Variants in CDH12 observed in about 807,000 individuals in gnomAD.
The protein encoded by CDH12 is cadherin 12.
A neutral mutation model predicts 74.1 loss-of-function variants in CDH12; 41 were observed. The observed-to-expected ratio is 0.55, with a 90% CI of 0.43 to 0.72. The LOEUF (loss-of-function observed/expected upper bound fraction) is 0.72. Ranked by LOEUF, CDH12 falls within the 30% of genes least tolerant of loss-of-function variation. The pLI, the probability that CDH12 is intolerant of heterozygous loss-of-function variation, is 0.00. For synonymous variants in CDH12, 399 were observed against 355.0 expected (o/e 1.12, Z -1.39); for missense variants, 945 against 977.2 (o/e 0.97, Z 0.44).
intron 5 of CDH12, among the ~76,000 whole-genome samples, chr5:22,031,728 A>G (rs1738838480): frequency 6.6e-6 from 1 of 152,200 alleles, no homozygotes; most frequent in African/African-American, 2.4e-5. Context: ...GGAGAGAGAC[A>G]GGGAAATGGC....
chr5:22,521,213 A>T (rs1737042202), intron 1 of CDH12, among the ~76,000 whole-genome samples: 1 of 151,936 alleles, frequency 6.6e-6, no homozygotes, highest in African/African-American at 2.4e-5. Flanking sequence ...GGATGGGGTA[A>T]GCATAATCCT....
At chr5:21,959,725 T>C (rs1300356985) in intron 6 of CDH12, among the ~76,000 whole-genome samples, 28 of 143,688 alleles carry the variant, frequency 1.9e-4, no homozygotes, top group Admixed American at 1.6e-3. Flanking sequence ...CTGGCCAACA[T>C]TGTGAAACCC....
intron 11 of CDH12, among the ~76,000 whole-genome samples, chr5:21,770,194 C>T (rs1745245281): frequency 6.6e-6 from 1 of 152,066 alleles, no homozygotes; most frequent in Non-Finnish European, 1.5e-5. Flanking sequence ...TTTCCAAGAA[C>T]CAAATGAGAA....
At chr5:22,780,214 A>T (rs1324367797) in intron 1 of CDH12, among the ~76,000 whole-genome samples, 1 of 152,092 alleles carries the variant, frequency 6.6e-6, no homozygotes, top group Admixed American at 6.6e-5. Context: ...AACCAGACCC[A>T]GTTGCTACCA....
Position 22,237,543 on chromosome 5 carries a change from T to C in CDH12, c.-332-24900A>G, listed in dbSNP as rs1314301484. 3.3e-5 allele frequency among the ~76,000 whole-genome samples: 5 copies of C among 152,050 alleles called. No individual in the cohort carries two copies. In the South Asian group the frequency reaches 8.3e-4, roughly 25 times the overall value. ...TCCTTGTAAGGACATGGAAAGAGAG[T>C]GCCATCTATGAGAAATGGGCCCTTA... On this transcript the variant is annotated intron_variant, in intron 3 of 14. Transcript: ENST00000382254.
At chr5:22,302,429 C>A (rs1341350525) in intron 3 of CDH12, among the ~76,000 whole-genome samples, 1 of 152,036 alleles carries the variant, frequency 6.6e-6, no homozygotes, top group Non-Finnish European at 1.5e-5. Flanking sequence ...GGAGAGTGTG[C>A]AATTAATGGA....
At chr5:22,485,088 A>G (rs1329664322) in intron 2 of CDH12, among the ~76,000 whole-genome samples, 1 of 152,222 alleles carries the variant, frequency 6.6e-6, no homozygotes, top group Non-Finnish European at 1.5e-5. Flanking sequence ...CAATGAAAAT[A>G]CACCACATGA....
intron 6 of CDH12, among the ~76,000 whole-genome samples, chr5:21,951,305 G>T (rs1755850405): frequency 6.6e-6 from 1 of 152,074 alleles, no homozygotes; most frequent in African/African-American, 2.4e-5. Flanking sequence ...CTGGAGTGCA[G>T]TGGTGCGGTC....
chr5:22,191,554 C>A (rs1580380528), intron 4 of CDH12, among the ~76,000 whole-genome samples: 1 of 55,204 alleles, frequency 1.8e-5, no homozygotes. Flanking sequence ...CACCAATGGT[C>A]TTTTTATTTT....
chr5:21,872,854 A>C (rs902319112), intron 6 of CDH12, among the ~76,000 whole-genome samples: 2 of 136,188 alleles, frequency 1.5e-5, no homozygotes, highest in Non-Finnish European at 3.2e-5. Context: ...CTATCGATCT[A>C]TCATCTATCT....
chr5:22,672,419 T>C (rs1740951625), intron 1 of CDH12, among the ~76,000 whole-genome samples: 1 of 152,002 alleles, frequency 6.6e-6, no homozygotes, highest in Non-Finnish European at 1.5e-5. Flanking sequence ...TAGGCCAGGA[T>C]GACTTTGCTC....
At chr5:22,693,501 AC>A (rs1180463960) in intron 1 of CDH12, among the ~76,000 whole-genome samples, 1 of 152,072 alleles carries the variant, frequency 6.6e-6, no homozygotes, top group Admixed American at 6.6e-5. Flanking sequence ...TAAAGAAATA[AC>A]CCATTTTGTG....
At chr5:21,869,993 T>A (rs537301169) in intron 6 of CDH12, among the ~76,000 whole-genome samples, 1 of 152,284 alleles carries the variant, frequency 6.6e-6, no homozygotes, top group South Asian at 2.1e-4. Flanking sequence ...GGGCAGTTTC[T>A]CCCATAATGT....
At chr5:21,820,386 T>C (rs1175143719) in intron 8 of CDH12, among the ~76,000 whole-genome samples, 1 of 151,974 alleles carries the variant, frequency 6.6e-6, no homozygotes, top group South Asian at 2.1e-4. Flanking sequence ...ATAATAGCAT[T>C]GTCCAATAAT....
chr5:22,228,825 T>G (rs1339551780), intron 3 of CDH12, among the ~76,000 whole-genome samples: 1 of 152,138 alleles, frequency 6.6e-6, no homozygotes, highest in Non-Finnish European at 1.5e-5. Flanking sequence ...TTTCTTCTAA[T>G]TAAAATTATA....
intron 1 of CDH12, among the ~76,000 whole-genome samples, chr5:22,671,539 C>A (rs1449237144): frequency 6.6e-6 from 1 of 151,992 alleles, no homozygotes; most frequent in Non-Finnish European, 1.5e-5. Context: ...TAGTTTACTC[C>A]CCAACATGAA....
At chr5:22,804,856 A>G (rs115235004) in intron 1 of CDH12, among the ~76,000 whole-genome samples, 1 of 152,200 alleles carries the variant, frequency 6.6e-6, no homozygotes, top group Non-Finnish European at 1.5e-5. Flanking sequence ...TTGTACGTAC[A>G]CTACTTTAAG....
At chr5:22,359,445 C>T (rs1452076781) in intron 3 of CDH12, among the ~76,000 whole-genome samples, 6 of 152,144 alleles carry the variant, frequency 3.9e-5, no homozygotes, top group Admixed American at 1.3e-4. Context: ...CCTTAGAGAT[C>T]TACAAAGAGA....
intron 2 of CDH12, among the ~76,000 whole-genome samples, chr5:22,472,321 A>C (rs1434534670): frequency 6.6e-6 from 1 of 152,054 alleles, no homozygotes; most frequent in Non-Finnish European, 1.5e-5. Context: ...TCATTTTTAC[A>C]AAGTTCTGAG....
Sources: gnomAD v4.1 joint callset for allele counts (sites outside exome capture counted in the v4.1 genomes callset) on GRCh38, gnomAD v4.1.1 for gene constraint, MANE v1.5 for transcripts, NCBI Gene and HGNC (gene_info 2026-07-23, HGNC 2026-07-21) for gene names.